Variants in NEDD9 observed in about 807,000 individuals in gnomAD.
NEDD9 encodes neural precursor cell expressed, developmentally down-regulated 9.
Under a neutral mutation model 76.6 loss-of-function variants are expected in NEDD9, and 26 were observed. The ratio of observed to expected loss-of-function variants is 0.34; its 90% CI spans 0.25 to 0.47. The LOEUF (loss-of-function observed/expected upper bound fraction) is 0.47, where lower values mean the gene tolerates loss of function less well. Ranked by LOEUF, NEDD9 falls within the 20% of genes least tolerant of loss-of-function variation. The pLI is 1.00. For missense variants in NEDD9, 937 were observed against 1,058.5 expected (o/e 0.89, Z 1.59); for synonymous variants, 392 against 414.2 (o/e 0.95, Z 0.65).
chr6:11,355,598 T>C (rs965752603), intron 1 of NEDD9, among the ~76,000 whole-genome samples: 20 of 152,328 alleles, frequency 1.3e-4, no homozygotes, highest in African/African-American at 4.8e-4. Flanking sequence ...TGTTTTCAGG[T>C]CATTTTACTT....
rs983781113 is a variant in NEDD9, at chr6:11,198,928, G to A, written c.460-5236C>T. The A allele has an allele frequency of 2.0e-5, 3 of 152,304 alleles. No individual in the cohort carries two copies. Among genetic ancestry groups the A allele is most frequent in the Admixed American group, 6.5e-5 (1 of 15,288 alleles). 9.4% of individuals were successfully genotyped at this position (152,304 alleles called of 1,614,324 possible). A position where few individuals can be genotyped will look rare whatever the true frequency, so the allele number is the denominator to read the frequency against. ...AAGAGAGGGATCCAAGAAGGCAAGG[G>A]AATGTTAGGTGAAGTTGAGAAATCA... On this transcript the variant is annotated intron_variant, in intron 2 of 6. Coordinates refer to ENST00000379446, the MANE Select transcript of NEDD9 (RefSeq NM_006403.4). This position sits in a 1 kb window ranked among gnomAD's most constrained non-coding sequence, Gnocchi z 4.7.
At chr6:11,300,568 C>T (rs1182628937) in intron 3 of NEDD9, among the ~76,000 whole-genome samples, 1 of 152,168 alleles carries the variant, frequency 6.6e-6, no homozygotes, top group African/African-American at 2.4e-5. Context: ...TTGTCAGATT[C>T]ACCAAGGTTG....
intron 1 of NEDD9, among the ~76,000 whole-genome samples, chr6:11,225,540 C>T (rs1030142810): frequency 6.6e-6 from 1 of 152,164 alleles, no homozygotes. Flanking sequence ...CTCACTCTGT[C>T]GCCCAGGCTG....
intron 1 of NEDD9, among the ~76,000 whole-genome samples, chr6:11,363,466 C>T (rs1281119578): frequency 6.6e-6 from 1 of 152,062 alleles, no homozygotes; most frequent in Admixed American, 6.6e-5. Flanking sequence ...ACAAAGCAAG[C>T]CTCATGGAAT....
intron 3 of NEDD9, 149 bp from the exon 4 acceptor site, chr6:11,192,595 C>CTTTT: frequency 2.7e-6 from 1 of 373,206 alleles, no homozygotes; most frequent in Non-Finnish European, 4.3e-6. Flanking sequence ...AGATTTATTG[C>CTTTT]CTTTTTTTTT....
intron 6 of NEDD9, among the ~76,000 whole-genome samples, chr6:11,187,220 A>G (rs1758001777): frequency 6.6e-6 from 1 of 152,232 alleles, no homozygotes; most frequent in Admixed American, 6.5e-5. Context: ...AGAAAGGATT[A>G]GAACTCAGAT....
intron 1 of NEDD9, among the ~76,000 whole-genome samples, chr6:11,364,453 C>G (rs972004026): frequency 6.6e-6 from 1 of 152,038 alleles, no homozygotes; most frequent in South Asian, 2.1e-4. Context: ...GGAATTCCCC[C>G]CAAAGGTGTG....
intron 3 of NEDD9, among the ~76,000 whole-genome samples, chr6:11,289,522 G>A (rs573370976): frequency 6.6e-6 from 1 of 152,190 alleles, no homozygotes; most frequent in Admixed American, 6.5e-5. Flanking sequence ...GCGCGATCTT[G>A]GCTCACCTCA....
chr6:11,282,712 T>C (rs1020259836), intron 3 of NEDD9, among the ~76,000 whole-genome samples: 1 of 152,214 alleles, frequency 6.6e-6, no homozygotes, highest in African/African-American at 2.4e-5. Context: ...GTTTCTTGCC[T>C]CTTTGACTAC....
chr6:11,315,044 C>T (rs36062337), intron 2 of NEDD9, among the ~76,000 whole-genome samples: 12,436 of 152,246 alleles, frequency 0.082, 675 homozygotes, highest in Middle Eastern at 0.13. Context: ...AGCTCTGTCT[C>T]CCTGATGGTT....
intron 1 of NEDD9, among the ~76,000 whole-genome samples, chr6:11,374,066 C>CTCTCTCTATA (rs1554136634): frequency 1.3e-5 from 2 of 149,554 alleles, no homozygotes; most frequent in African/African-American, 4.9e-5. Flanking sequence ...CTCTCTCTCT[C>CTCTCTCTATA]TATATATATA....
At chr6:11,277,141 A>G (rs1326970754) in intron 3 of NEDD9, among the ~76,000 whole-genome samples, 2 of 152,192 alleles carry the variant, frequency 1.3e-5, no homozygotes, top group African/African-American at 4.8e-5. Context: ...TCACGCTGCA[A>G]AGACATCCAC....
chr6:11,337,118 TGAGGCAGAGGAATCTCTTGAACCCAG>T (rs1762177019), intron 1 of NEDD9, among the ~76,000 whole-genome samples: 1 of 152,176 alleles, frequency 6.6e-6, no homozygotes. Flanking sequence ...CTCAGGAGGC[TGAGGCAGAGGAATCTCTTGAACCCAG>T]GAGGCGGAGG....
chr6:11,351,487 TTC>T (rs1762468772), intron 1 of NEDD9, among the ~76,000 whole-genome samples: 3 of 152,218 alleles, frequency 2.0e-5, no homozygotes, highest in Admixed American at 1.3e-4. Flanking sequence ...TGTTCTACCC[TTC>T]TCTCTGAGGC....
intron 2 of NEDD9, among the ~76,000 whole-genome samples, chr6:11,311,311 C>CT (rs1266086271): frequency 4.6e-5 from 7 of 152,232 alleles, no homozygotes; most frequent in African/African-American, 7.2e-5. Context: ...TCCAACTGGA[C>CT]TGATGTCCTT....
At position 11,192,430 on chromosome 6, in the gene NEDD9, G is replaced by A; in HGVS notation, c.578C>T (p.Pro193Leu). The change falls in exon 4 of 7, where the codon CCC becomes CTC. Residue 193 changes from proline to leucine, a missense_variant. Transcript: ENST00000379446. The part of the protein sequence containing the change: ...HTTQGVYDIP[P>L]SSAKGPVFSV... ...AAACACAGGGCCTTTTGCTGATGAG[G>A]GAGGGATGTCGTATACCTGAAGAGA... is the stretch of plus-strand genomic sequence containing the variant. 6.2e-7 allele frequency: 1 copy of A among 1,610,704 alleles called. No homozygotes were observed. Among genetic ancestry groups the A allele is most frequent in the Non-Finnish European group, 8.5e-7 (1 of 1,178,798 alleles).
chr6:11,359,358 C>G (rs1762636953), intron 1 of NEDD9, among the ~76,000 whole-genome samples: 1 of 152,210 alleles, frequency 6.6e-6, no homozygotes. Context: ...GGATCATTTG[C>G]CATATTTGGA....
intron 3 of NEDD9, among the ~76,000 whole-genome samples, chr6:11,275,655 G>A (rs1760400649): frequency 6.6e-6 from 1 of 152,020 alleles, no homozygotes; most frequent in South Asian, 2.1e-4. Context: ...ATGCCCACAG[G>A]CAGCAAGCTC....
chr6:11,254,175 C>T (rs529823182), intron 3 of NEDD9, among the ~76,000 whole-genome samples: 52 of 152,194 alleles, frequency 3.4e-4, no homozygotes, highest in African/African-American at 1.2e-3. Context: ...GGCTGGAGTA[C>T]AGTGGCATGA....
Sources: gnomAD v4.1 joint callset for allele counts (sites outside exome capture counted in the v4.1 genomes callset) on GRCh38, gnomAD v4.1.1 for gene constraint, Gnocchi (gnomAD v3.1) non-coding constraint, MANE v1.5 for transcripts, NCBI Gene and HGNC (gene_info 2026-07-23, HGNC 2026-07-21) for gene names.